The following NDEL1 variants were observed in gnomAD, a reference collection of about 807,000 sequenced individuals.
The protein encoded by NDEL1 is nuclear distribution protein nudE-like 1.
NDEL1 carries 9 observed loss-of-function variants against 45.7 expected under a neutral mutation model. The ratio of observed to expected loss-of-function variants is 0.20; its 90% CI spans 0.12 to 0.34. The LOEUF is 0.34. Among genes scored for constraint, NDEL1 ranks in the 10% least tolerant of loss-of-function variants. NDEL1 has a pLI of 1.00. For synonymous variants in NDEL1, 133 were observed against 158.6 expected (o/e 0.84, Z 1.21); for missense variants, 306 against 406.2 (o/e 0.75, Z 2.12).
intron 1 of NDEL1, among the ~76,000 whole-genome samples, chr17:8,442,404 A>G (rs1183167157): frequency 6.8e-6 from 1 of 146,106 alleles, no homozygotes; most frequent in Non-Finnish European, 1.5e-5. Flanking sequence ...GATGATTATA[A>G]ATCAGTTCAC....
intron 1 of NDEL1, among the ~76,000 whole-genome samples, chr17:8,440,861 G>A (rs949092640): frequency 6.6e-6 from 1 of 152,076 alleles, no homozygotes; most frequent in Non-Finnish European, 1.5e-5. Context: ...ATATAAATGG[G>A]TCAAAACCAA....
intron 1 of NDEL1, among the ~76,000 whole-genome samples, chr17:8,440,299 C>T (rs1272102989): frequency 6.6e-6 from 1 of 152,052 alleles, no homozygotes; most frequent in Admixed American, 6.6e-5. Context: ...GGGCAGATCA[C>T]GAGGTCAGGA....
chr17:8,425,340 T>C (rs1290110520), intron 1 of NDEL1, among the ~76,000 whole-genome samples: 1 of 152,228 alleles, frequency 6.6e-6, no homozygotes, highest in East Asian at 1.9e-4. Context: ...CCTAGCACTT[T>C]GGGAGGCCAA....
chr17:8,435,765 C>T (rs780864310), upstream of NDEL1: 2 of 355,158 alleles, frequency 5.6e-6, no homozygotes, highest in African/African-American at 2.3e-5. Flanking sequence ...GCGCGCCGGG[C>T]TCTGGCCCGC....
intron 1 of NDEL1, among the ~76,000 whole-genome samples, chr17:8,428,354 GTGTGTGTATTTT>G (rs1294636380): frequency 1.1e-5 from 1 of 95,230 alleles, no homozygotes. Flanking sequence ...GTGTGTGTGT[GTGTGTGTATTTT>G]TTTTTTTTTT....
At chr17:8,428,899 T>C (rs1165625811) in intron 1 of NDEL1, among the ~76,000 whole-genome samples, 1 of 151,796 alleles carries the variant, frequency 6.6e-6, no homozygotes, top group African/African-American at 2.4e-5. Context: ...GGTCTCGATC[T>C]CCTGACCTTG....
At chr17:8,463,456 ACT>A in intron 8 of NDEL1, 1 of 1,133,536 alleles carries the variant, frequency 8.8e-7, no homozygotes, top group African/African-American at 1.5e-5. Context: ...CATGGGGCTG[ACT>A]CAGCTTTAAC....
chr17:8,443,278 G>T (rs935055343), intron 1 of NDEL1, among the ~76,000 whole-genome samples: 1 of 152,212 alleles, frequency 6.6e-6, no homozygotes, highest in Non-Finnish European at 1.5e-5. Flanking sequence ...AATAATATCA[G>T]TGAAAGCATG....
chr17:8,445,857 C>G lies in NDEL1; in HGVS notation c.233C>G (p.Ala78Gly). Reference sequence around the variant, plus strand: ...CAAAGACTGAAATATGAAGTGGAGGCATTAAAGGTAATTGCAGCAGTAGAC... The same window carrying G: ...CAAAGACTGAAATATGAAGTGGAGGGATTAAAGGTAATTGCAGCAGTAGAC... ...DNQRLKYEVEALKEKLEHQYA... is the reference protein window; with the variant it reads ...DNQRLKYEVEGLKEKLEHQYA... The change falls in exon 3 of 9, where the codon GCA becomes GGA. Residue 78 changes from alanine (A) to glycine (G), a missense_variant. Coordinates refer to ENST00000334527, the MANE Select transcript of NDEL1 (RefSeq NM_030808.5). 6.6e-7 allele frequency: 1 copy of G among 1,519,844 alleles called. No homozygotes were observed. Among genetic ancestry groups the G allele is most frequent in the Non-Finnish European group, 8.8e-7 (1 of 1,138,674 alleles). The allele number at this position is 1,519,844 out of a possible 1,614,324, so 94.1% of individuals were successfully genotyped here.
chr17:8,418,419 C>A (rs181171024), intron 1 of NDEL1, among the ~76,000 whole-genome samples: 6 of 152,154 alleles, frequency 3.9e-5, no homozygotes, highest in Non-Finnish European at 8.8e-5. Context: ...ATCTGATAAG[C>A]AAAAAGCAAG....
chr17:8,466,835 T>C, intron 8 of NDEL1, 95 bp from the exon 9 acceptor site: 1 of 1,273,724 alleles, frequency 7.9e-7, no homozygotes, highest in Non-Finnish European at 1.1e-6. Context: ...GGAATAGTTT[T>C]AGAAAGCAGA....
intron 1 of NDEL1, among the ~76,000 whole-genome samples, chr17:8,420,132 T>A (rs1055049073): frequency 6.6e-6 from 1 of 152,218 alleles, no homozygotes; most frequent in African/African-American, 2.4e-5. Flanking sequence ...TGAGGGTCTA[T>A]GAATGCTGAC....
In NDEL1 at chr17:8,436,060, C is replaced by T. The variant is rs552889662; in HGVS notation, c.-13+15C>T. 2.8e-5 allele frequency: 12 copies of T among 427,464 alleles called. No homozygotes were observed. The highest frequency in any genetic ancestry group is 2.4e-4 in the African/African-American group (11 of 46,384). The allele number at this position is 427,464 out of a possible 1,614,324, so 26.5% of individuals were successfully genotyped here. A position where few individuals can be genotyped will look rare whatever the true frequency, so the allele number is the denominator to read the frequency against. ...ACACATTGGAGGTGAGCCTGCAGCG[C>T]GGGGCCGCTCCCTAAGGGGCTGCGC... is the stretch of plus-strand genomic sequence containing the variant. On this transcript the variant is annotated intron_variant, in intron 1 of 8. Coordinates refer to ENST00000334527, the MANE Select transcript of NDEL1 (RefSeq NM_030808.5).
chr17:8,430,158 A>G (rs1908963637), intron 1 of NDEL1, among the ~76,000 whole-genome samples: 1 of 152,164 alleles, frequency 6.6e-6, no homozygotes, highest in Non-Finnish European at 1.5e-5. Context: ...GGGCAAAGGA[A>G]AATCTGTTTG....
At chr17:8,432,585 C>T (rs1219525952), upstream of NDEL1, among the ~76,000 whole-genome samples, 3 of 151,368 alleles carry the variant, frequency 2.0e-5, no homozygotes, top group Admixed American at 6.6e-5. Context: ...GGGTTTTCAC[C>T]GTGTTAGCCA....
upstream of NDEL1, among the ~76,000 whole-genome samples, chr17:8,432,374 A>ATATATAAATATATATATATATATTAT (rs1296941391): frequency 1.5e-5 from 1 of 66,718 alleles, no homozygotes. Context: ...ATATATATTT[A>ATATATAAATATATATATATATATTAT]ATGGCAGGCC....
intron 7 of NDEL1, among the ~76,000 whole-genome samples, chr17:8,457,310 T>A (rs1161243514): frequency 1.3e-5 from 2 of 152,222 alleles, no homozygotes; most frequent in Non-Finnish European, 2.9e-5. Flanking sequence ...CTTGGGTTAG[T>A]TCTGCCTGTT....
intron 1 of NDEL1, among the ~76,000 whole-genome samples, chr17:8,417,673 C>T (rs1368775603): frequency 6.6e-6 from 1 of 152,004 alleles, no homozygotes; most frequent in African/African-American, 2.4e-5. Context: ...CTGGAGGATA[C>T]AAGCCAGGCT....
At position 8,453,387 on chromosome 17, in the gene NDEL1, C is replaced by A. The variant is rs540347836; in HGVS notation, c.701-1409C>A. On this transcript the variant is annotated intron_variant, in intron 6 of 8. Coordinates refer to ENST00000334527, the MANE Select transcript of NDEL1 (RefSeq NM_030808.5). ...ATAGCTAACCTTTATTGAGTACTTACTACGTGCATTTTTAAAGTACATTAA... is the reference window on the plus strand; with the variant it reads ...ATAGCTAACCTTTATTGAGTACTTAATACGTGCATTTTTAAAGTACATTAA... Among the ~76,000 whole-genome samples, 12 of 152,308 alleles carry A rather than the reference C, an allele frequency of 7.9e-5. No homozygotes were observed. In the South Asian group the frequency reaches 1.9e-3, roughly 24 times the overall value.
Sources: gnomAD v4.1 joint callset for allele counts (sites outside exome capture counted in the v4.1 genomes callset) on GRCh38, gnomAD v4.1.1 for gene constraint, MANE v1.5 for transcripts, NCBI Gene and HGNC (gene_info 2026-07-23, HGNC 2026-07-21) for gene names.